Variants in MYO3A observed in about 807,000 individuals in gnomAD.
MYO3A encodes myosin-IIIa.
Under a neutral mutation model 192.7 loss-of-function variants are expected in MYO3A, and 180 were observed. The observed-to-expected ratio is 0.93, with a 90% CI of 0.83 to 1.06. The LOEUF is 1.06. MYO3A is among the 50% of genes least tolerant of loss of function. The pLI is 0.00. For missense variants in MYO3A, 1,896 were observed against 1,905.0 expected (o/e 1.00, Z 0.09); for synonymous variants, 628 against 645.3 (o/e 0.97, Z 0.41).
intron 30 of MYO3A, among the ~76,000 whole-genome samples, chr10:26,176,012 A>G (rs1842307870): frequency 6.6e-6 from 1 of 152,210 alleles, no homozygotes; most frequent in Non-Finnish European, 1.5e-5. Context: ...ACTGGAAAGA[A>G]GGCCGGGCGC....
intron 14 of MYO3A, among the ~76,000 whole-genome samples, chr10:26,077,550 A>T (rs1445521165): frequency 6.6e-6 from 1 of 152,006 alleles, no homozygotes; most frequent in Non-Finnish European, 1.5e-5. Flanking sequence ...ACGAGTGGTA[A>T]GAATGGGGAT....
chr10:25,983,972 A>G lies in MYO3A; in HGVS notation c.304-12518A>G, dbSNP rs1419589139. Among the ~76,000 whole-genome samples, 5 of 152,334 alleles carry G rather than the reference A, an allele frequency of 3.3e-5. No homozygotes were observed. In the East Asian group the frequency reaches 9.6e-4, roughly 29 times the overall value. On this transcript the variant is annotated intron_variant, in intron 4 of 34. Transcript: ENST00000642920. ...GTCCAATTTTTAACTTCCTTAAACA[A>G]AACAGTTATCAGCCCAGAATTTTGT...
chr10:26,126,868 C>T (rs767341870), intron 19 of MYO3A, among the ~76,000 whole-genome samples: 2 of 152,142 alleles, frequency 1.3e-5, no homozygotes, highest in African/African-American at 2.4e-5. Context: ...CCATCCAAAT[C>T]TTAGATTTTA....
chr10:26,103,506 T>C (rs1398866114), intron 17 of MYO3A, among the ~76,000 whole-genome samples: 2 of 152,222 alleles, frequency 1.3e-5, no homozygotes, highest in Non-Finnish European at 1.5e-5. Context: ...TATTCGGCCA[T>C]CTTGGAGTCA....
intron 31 of MYO3A, among the ~76,000 whole-genome samples, chr10:26,178,241 C>T (rs1034942507): frequency 2.6e-5 from 4 of 152,122 alleles, no homozygotes; most frequent in Non-Finnish European, 4.4e-5. Context: ...AGGCAGCTCA[C>T]CCCAGGCCGC....
intron 6 of MYO3A, among the ~76,000 whole-genome samples, chr10:26,003,170 C>T (rs769558865): frequency 8.5e-5 from 13 of 152,144 alleles, no homozygotes; most frequent in Non-Finnish European, 1.6e-4. Flanking sequence ...AATGGGATGC[C>T]AGAGGCAAAC....
chr10:26,146,477 A>G (rs1840471846), intron 22 of MYO3A, among the ~76,000 whole-genome samples: 1 of 152,192 alleles, frequency 6.6e-6, no homozygotes, highest in African/African-American at 2.4e-5. Flanking sequence ...AAGTGCTCTA[A>G]GTGGGGTTAG....
chr10:26,123,518 G>A (rs1839001995), intron 18 of MYO3A, among the ~76,000 whole-genome samples: 1 of 152,192 alleles, frequency 6.6e-6, no homozygotes, highest in Admixed American at 6.5e-5. Flanking sequence ...GGCTATTTTA[G>A]AAAAATGATA....
At chr10:25,971,569 G>A (rs1013637236) in intron 4 of MYO3A, among the ~76,000 whole-genome samples, 1 of 151,978 alleles carries the variant, frequency 6.6e-6, no homozygotes, top group Admixed American at 6.6e-5. Context: ...TGTTTACCTG[G>A]CAATGTCTTC....
chr10:26,080,844 G>A (rs986561034), intron 14 of MYO3A, among the ~76,000 whole-genome samples: 2 of 152,118 alleles, frequency 1.3e-5, no homozygotes. Flanking sequence ...GCCACCCAGC[G>A]AGTCTGCCCA....
intron 4 of MYO3A, among the ~76,000 whole-genome samples, chr10:25,975,447 A>G (rs1388219750): frequency 6.6e-6 from 1 of 152,240 alleles, no homozygotes; most frequent in Non-Finnish European, 1.5e-5. Flanking sequence ...AACGGCAGTT[A>G]TCAAAGAAGA....
chr10:26,179,809 T>A (rs1298719666), intron 31 of MYO3A, among the ~76,000 whole-genome samples: 2 of 152,172 alleles, frequency 1.3e-5, no homozygotes, highest in South Asian at 2.1e-4. Context: ...TAACATTTTT[T>A]AAAAACTATT....
intron 2 of MYO3A, among the ~76,000 whole-genome samples, chr10:25,938,609 G>A (rs1442117801): frequency 6.6e-6 from 1 of 152,174 alleles, no homozygotes; most frequent in African/African-American, 2.4e-5. Flanking sequence ...AGTGTAAGCA[G>A]CTTGACAGAA....
At chr10:26,013,078 A>T (rs1841769140) in intron 6 of MYO3A, among the ~76,000 whole-genome samples, 1 of 152,192 alleles carries the variant, frequency 6.6e-6, no homozygotes, top group Non-Finnish European at 1.5e-5. Context: ...CCACATGTAG[A>T]AGAATGAAAC....
intron 4 of MYO3A, among the ~76,000 whole-genome samples, chr10:25,980,341 A>G (rs181614044): frequency 2.0e-4 from 30 of 152,230 alleles, no homozygotes; most frequent in African/African-American, 5.3e-4. Flanking sequence ...CACTATTTTG[A>G]TTGTATTTTA....
intron 17 of MYO3A, among the ~76,000 whole-genome samples, chr10:26,115,506 T>G (rs1420945540): frequency 1.3e-5 from 2 of 152,232 alleles, no homozygotes; most frequent in African/African-American, 4.8e-5. Flanking sequence ...CTAGATTTTT[T>G]CTTAAGCTTT....
chr10:26,124,080 A>T (rs1017257673), intron 18 of MYO3A, among the ~76,000 whole-genome samples: 2 of 150,702 alleles, frequency 1.3e-5, no homozygotes, highest in African/African-American at 2.4e-5. Context: ...TCCCAGCTGC[A>T]TGGGAGGCTG....
chr10:26,048,112 A>G (rs545040651), intron 10 of MYO3A, among the ~76,000 whole-genome samples: 33 of 152,334 alleles, frequency 2.2e-4, no homozygotes, highest in African/African-American at 7.9e-4. Flanking sequence ...TAAGGACAGT[A>G]GTGTAGTTTT....
At chr10:26,087,347 A>T (rs1280451082) in intron 14 of MYO3A, among the ~76,000 whole-genome samples, 1 of 152,152 alleles carries the variant, frequency 6.6e-6, no homozygotes, top group Non-Finnish European at 1.5e-5. Flanking sequence ...TCAAATTCTA[A>T]TGTAGTCTAT....
Sources: gnomAD v4.1 joint callset for allele counts (sites outside exome capture counted in the v4.1 genomes callset) on GRCh38, gnomAD v4.1.1 for gene constraint, MANE v1.5 for transcripts, NCBI Gene and HGNC (gene_info 2026-07-23, HGNC 2026-07-21) for gene names.